Variants in NUP42 observed in about 807,000 individuals in gnomAD.
NUP42 encodes nucleoporin 42, also known as nucleoporin NUP42.
In NUP42, 47 loss-of-function variants were observed where a neutral mutation model predicts 35.9. That is an observed-to-expected ratio of 1.31 (90% CI 1.04 to 1.67). The LOEUF (loss-of-function observed/expected upper bound fraction) is 1.67, where lower values mean the gene tolerates loss of function less well. Ranked by LOEUF, NUP42 falls within the 40% of genes most tolerant of loss-of-function variation. NUP42 has a pLI of 0.00. For synonymous variants in NUP42, 173 were observed against 173.3 expected, an observed-to-expected ratio of 1.00 and a Z score of 0.01; for missense variants, 514 against 492.2, an observed-to-expected ratio of 1.04 and a Z score of -0.42.
chr7:23,200,643 A>C lies in NUP42; in HGVS notation c.1170A>C (p.Arg390Ser). 1 of 1,613,930 alleles carries C rather than the reference A, an allele frequency of 6.2e-7. No homozygotes were observed. Among genetic ancestry groups the C allele is most frequent in the East Asian group, 2.2e-5 (1 of 44,884 alleles). Residue 390 changes from arginine to serine, a missense_variant, in exon 7 of 7, where the codon AGA (arginine) becomes AGC (serine). Arg to Ser is a moderately radical substitution (Grantham distance 110). Coordinates refer to ENST00000258742, the MANE Select transcript of NUP42 (RefSeq NM_007342.3). Reference sequence around the variant, plus strand: ...CAGATAATGTGTTATTCACACCCAGAGATAAACTAACAGTAGAAGAACTGG... The same window carrying C: ...CAGATAATGTGTTATTCACACCCAGCGATAAACTAACAGTAGAAGAACTGG... ...IATDNVLFTP[R>S]DKLTVEELEQ...
intron 3 of NUP42, chr7:23,187,933 T>TGGGTGG: frequency 4.1e-6 from 2 of 485,544 alleles, no homozygotes; most frequent in East Asian, 3.9e-5. Context: ...TAGAATATTC[T>TGGGTGG]CTGTCTCTCT....
chr7:23,200,612 T>A lies in NUP42; in HGVS notation c.1139T>A (p.Ile380Asn). 6.2e-7 allele frequency: 1 copy of A among 1,614,178 alleles called. No homozygotes were observed. Among genetic ancestry groups the A allele is most frequent in the Non-Finnish European group, 8.5e-7 (1 of 1,180,028 alleles). ...STSLSASSSI[I>N]ATDNVLFTPR... ...TCTCTGTCAGCCTCAAGCAGCATCA[T>A]TGCAACAGATAATGTGTTATTCACA... Residue 380 changes from isoleucine (I) to asparagine (N), a missense_variant, in exon 7 of 7, where the codon ATT becomes AAT. Physicochemically the swap from Ile to Asn is moderately radical, Grantham distance 149. Transcript: ENST00000258742.
At chr7:23,194,658 G>A in intron 3 of NUP42, 1 of 163,616 alleles carries the variant, frequency 6.1e-6, no homozygotes, top group Non-Finnish European at 1.3e-5. Context: ...ACCGCGCCCG[G>A]CTGTAATCCA....
intron 3 of NUP42, among the ~76,000 whole-genome samples, chr7:23,193,964 C>T (rs948347536): frequency 1.4e-4 from 22 of 152,250 alleles, no homozygotes; most frequent in Admixed American, 3.3e-4. Flanking sequence ...CCTCCGCAGC[C>T]GCTGGCCCGG....
intron 3 of NUP42, chr7:23,188,234 GCTT>G (rs1785672017): frequency 1.6e-6 from 2 of 1,248,366 alleles, no homozygotes; most frequent in Non-Finnish European, 2.0e-6. Context: ...GCATTACAAC[GCTT>G]CTTATTTATT....
rs752365632 is a variant in NUP42 at position 23,200,645 on chromosome 7, A to G, written c.1172A>G (p.Asp391Gly). The G allele has an allele frequency of 2.5e-6, 4 of 1,613,846 alleles. No individual in the cohort carries two copies. Among genetic ancestry groups the G allele is most frequent in the Non-Finnish European group, 3.4e-6 (4 of 1,179,912 alleles). Reference protein sequence around the residue: ...ATDNVLFTPRDKLTVEELEQF... With the variant: ...ATDNVLFTPRGKLTVEELEQF... ...GATAATGTGTTATTCACACCCAGAG[A>G]TAAACTAACAGTAGAAGAACTGGAA... Residue 391 changes from aspartate to glycine, a missense_variant, in exon 7 of 7, where the codon GAT (aspartate) becomes GGT (glycine). Transcript: ENST00000258742.
intron 1 of NUP42, among the ~76,000 whole-genome samples, chr7:23,182,736 A>C (rs532653058): frequency 7.3e-6 from 1 of 136,876 alleles, no homozygotes; most frequent in Non-Finnish European, 1.5e-5. Flanking sequence ...TCTTTACTAA[A>C]AATACCAAAA....
In NUP42 at chr7:23,200,320, A is replaced by G; in HGVS notation, c.847A>G (p.Thr283Ala). 6.2e-7 allele frequency: 1 copy of G among 1,606,022 alleles called. No individual in the cohort carries two copies. The highest frequency in any genetic ancestry group is 8.5e-7 in the Non-Finnish European group (1 of 1,175,244). ...AAASTSSGIS[T>A]SAPAFGFGKP... Reference sequence around the variant, plus strand: ...AGCCTCTACCAGTTCAGGTATCTCTACTTCTGCTCCAGCTTTTGGATTTGG... The same window carrying G: ...AGCCTCTACCAGTTCAGGTATCTCTGCTTCTGCTCCAGCTTTTGGATTTGG... Residue 283 changes from threonine (T) to alanine (A), a missense_variant, in exon 7 of 7, where the codon ACT becomes GCT. Physicochemically the swap from Thr to Ala is moderately conservative, Grantham distance 58. Coordinates refer to ENST00000258742, the MANE Select transcript of NUP42 (RefSeq NM_007342.3).
Position 23,182,234 on chromosome 7 carries a change from A to G in NUP42, c.121+28A>G, listed in dbSNP as rs777307860. 23 of 1,579,256 alleles carry G rather than the reference A, an allele frequency of 1.5e-5. No individual in the cohort carries two copies. The Admixed American group carries it at 4.0e-4, about 27-fold the overall frequency. Reference sequence around the variant, plus strand: ...GACTCTCCTCTGAATCCTCCGCGGTAACCGAGCCGGGAAGGGTCCGCCGGC... The same window carrying G: ...GACTCTCCTCTGAATCCTCCGCGGTGACCGAGCCGGGAAGGGTCCGCCGGC... On this transcript the variant is annotated intron_variant, in intron 1 of 6. Transcript: ENST00000258742.
At chr7:23,191,802 T>C (rs1408888991) in intron 3 of NUP42, among the ~76,000 whole-genome samples, 1 of 151,828 alleles carries the variant, frequency 6.6e-6, no homozygotes, top group Admixed American at 6.6e-5. Context: ...CCTGGGCAAC[T>C]TGGCGAAACC....
intron 3 of NUP42, chr7:23,195,301 A>G (rs2128474552): frequency 6.6e-6 from 1 of 152,436 alleles, no homozygotes; most frequent in Non-Finnish European, 1.5e-5. Context: ...TAAGTAAAGC[A>G]TTTTATCTCT....
At chr7:23,199,928 C>CT (rs1786151107) in intron 6 of NUP42, among the ~76,000 whole-genome samples, 1 of 152,094 alleles carries the variant, frequency 6.6e-6, no homozygotes, top group East Asian at 1.9e-4. Flanking sequence ...TGTGGTTTCT[C>CT]CTTGGGTGAA....
In NUP42 at chr7:23,187,039, T is replaced by C; in HGVS notation, c.351-13T>C. On this transcript the variant is annotated splice_polypyrimidine_tract_variant and intron_variant, in intron 2 of 6. Transcript: ENST00000258742. ...AAGATCCTTTACTCTTTTTTTTTTT[T>C]TCTTTTTTGCAGGGAAGGAATTGTA... 6.5e-7 allele frequency: 1 copy of C among 1,546,184 alleles called. No homozygotes were observed. Among genetic ancestry groups the C allele is most frequent in the Non-Finnish European group, 8.7e-7 (1 of 1,143,568 alleles).
chr7:23,184,936 G>T (rs1785537992), intron 1 of NUP42, 134 bp from the exon 2 acceptor site: 2 of 689,320 alleles, frequency 2.9e-6, no homozygotes, highest in Admixed American at 5.9e-5. Flanking sequence ...AGCTTAGGAG[G>T]TTGAGGTTAC....
chr7:23,183,537 C>A (rs956332261), intron 1 of NUP42, among the ~76,000 whole-genome samples: 5 of 152,140 alleles, frequency 3.3e-5, no homozygotes, highest in East Asian at 1.9e-4. Flanking sequence ...AACCTTTAAA[C>A]CTTGTATTGC....
chr7:23,183,474 G>T (rs1338543654), intron 1 of NUP42, among the ~76,000 whole-genome samples: 2 of 152,134 alleles, frequency 1.3e-5, no homozygotes, highest in Non-Finnish European at 2.9e-5. Context: ...TCCCGCTTCC[G>T]TCTTTCAAAG....
chr7:23,185,938 C>G (rs944462625), intron 2 of NUP42, among the ~76,000 whole-genome samples: 1 of 151,896 alleles, frequency 6.6e-6, no homozygotes, highest in Non-Finnish European at 1.5e-5. Flanking sequence ...TAGGGTTTTA[C>G]CATGTTGGCC....
chr7:23,187,027 CTTTT>C (rs367957893), intron 2 of NUP42, 21 bp from the exon 3 acceptor site: 7 of 1,169,102 alleles, frequency 6.0e-6, no homozygotes, highest in African/African-American at 1.6e-5. Context: ...ATCCTTTACT[CTTTT>C]TTTTTTTTTC....
In NUP42 at chr7:23,182,502, A is replaced by G. The variant is rs982942608; in HGVS notation, c.121+296A>G. ...AACTACCTTGTAGGTAAATGCCGGA[A>G]TTGAATATAATTTTTACTAAGTTGT... On this transcript the variant is annotated intron_variant, in intron 1 of 6. Coordinates refer to ENST00000258742, the MANE Select transcript of NUP42 (RefSeq NM_007342.3). 24 of 1,146,228 alleles carry G rather than the reference A, an allele frequency of 2.1e-5. No homozygotes were observed. The East Asian group carries it at 1.1e-3, about 50-fold the overall frequency. 71.0% of individuals were successfully genotyped at this position (1,146,228 alleles called of 1,614,324 possible).
Sources: allele counts gnomAD v4.1 joint callset (sites outside exome capture counted in the v4.1 genomes callset), GRCh38; gene constraint gnomAD v4.1.1; transcripts MANE v1.5; gene names NCBI Gene and HGNC (gene_info 2026-07-23, HGNC 2026-07-21).